The following F11 variants were observed in gnomAD, a reference collection of about 807,000 sequenced individuals.
The protein encoded by F11 is coagulation factor XI, also known as coagualtion factor XI.
Under a neutral mutation model 76.5 loss-of-function variants are expected in F11, and 78 were observed. The ratio of observed to expected loss-of-function variants is 1.02; its 90% CI spans 0.85 to 1.23. The LOEUF is 1.23. F11 is among the 50% of genes most tolerant of loss of function. The pLI, the probability that F11 is intolerant of heterozygous loss-of-function variation, is 0.00. For synonymous variants in F11, 278 were observed against 276.3 expected, an observed-to-expected ratio of 1.01 and a Z score of -0.06; for missense variants, 742 against 771.4, an observed-to-expected ratio of 0.96 and a Z score of 0.45.
chr4:186,281,890 T>C, intron 10 of F11: 1 of 1,232,744 alleles, frequency 8.1e-7, no homozygotes, highest in Non-Finnish European at 1.1e-6. Context: ...GACGTTATAT[T>C]GCCTCCAACA....
intron 3 of F11, among the ~76,000 whole-genome samples, chr4:186,272,176 C>A (rs1054783277): frequency 3.3e-5 from 5 of 152,016 alleles, no homozygotes; most frequent in Non-Finnish European, 5.9e-5. Context: ...AAGTACAGTA[C>A]AGTGATCCCC....
At chr4:186,288,246 T>C (rs1353243626) in intron 14 of F11, among the ~76,000 whole-genome samples, 1 of 152,250 alleles carries the variant, frequency 6.6e-6, no homozygotes, top group South Asian at 2.1e-4. Context: ...CTTCTGCCAA[T>C]GAGCAGGGAA....
chr4:186,276,203 T>A (rs1311934349), intron 6 of F11, 28 bp from the exon 7 acceptor site: 1 of 1,613,840 alleles, frequency 6.2e-7, no homozygotes, highest in African/African-American at 1.3e-5. Flanking sequence ...GTGAATTGAG[T>A]CCCTGACATA....
At chr4:186,283,994 T>C in intron 10 of F11, 98 bp from the exon 11 acceptor site, 1 of 1,587,664 alleles carries the variant, frequency 6.3e-7, no homozygotes. Flanking sequence ...GATAAACTAT[T>C]GACTTGAGGA....
At chr4:186,288,415 T>G in intron 14 of F11, 38 bp from the exon 15 acceptor site, 21 of 1,613,676 alleles carry the variant, frequency 1.3e-5, no homozygotes, top group Non-Finnish European at 1.8e-5. Context: ...AGCGTCTGAG[T>G]TGATCTGTGC....
intron 10 of F11, 60 bp downstream of exon 10, chr4:186,280,640 C>G: frequency 7.5e-7 from 1 of 1,341,260 alleles, no homozygotes; most frequent in Non-Finnish European, 1.1e-6. Flanking sequence ...CTTCATACAT[C>G]ACAATCAAGA....
intron 7 of F11, among the ~76,000 whole-genome samples, chr4:186,277,923 C>G (rs1467516236): frequency 6.6e-6 from 1 of 152,134 alleles, no homozygotes; most frequent in African/African-American, 2.4e-5. Context: ...TCTCATCCTC[C>G]CAAGTTGCTG....
At chr4:186,283,096 G>T in intron 10 of F11, 1 of 950,074 alleles carries the variant, frequency 1.1e-6, no homozygotes, top group Non-Finnish European at 1.3e-6. Context: ...CATCACCTGG[G>T]AGCTTGTTAG....
At position 186,289,022 on chromosome 4, in the gene F11, A is replaced by AT; in HGVS notation, c.*408_*409insT. 4.6e-6 allele frequency: 1 copy of AT among 219,132 alleles called. No individual in the cohort carries two copies. Among genetic ancestry groups the AT allele is most frequent in the South Asian group, 7.2e-5 (1 of 13,932 alleles). 13.6% of individuals were successfully genotyped at this position (219,132 alleles called of 1,614,324 possible). A position where few individuals can be genotyped will look rare whatever the true frequency, so the allele number is the denominator to read the frequency against. ...TGAAAACTGGAAGAAAGGAGAACAA[A>AT]GACAGTCTTCACCATTTTGCAGGAA... On this transcript the variant is annotated 3_prime_UTR_variant, in exon 15 of 15. Transcript: ENST00000403665.
downstream of F11, among the ~76,000 whole-genome samples, chr4:186,289,826 G>A (rs1741462315): frequency 6.6e-6 from 1 of 152,008 alleles, no homozygotes; most frequent in Non-Finnish European, 1.5e-5. Context: ...GAGATTACAG[G>A]CACATGCCAC....
At position 186,271,679 on chromosome 4, in the gene F11, C is replaced by G; in HGVS notation, c.126C>G (p.Ser42Arg). The change falls in exon 3 of 15, where the codon AGC (serine) becomes AGG (arginine). Residue 42 changes from serine (S) to arginine (R), a missense_variant. Ser to Arg is a moderately radical substitution (Grantham distance 110, BLOSUM62 -1). Transcript: ENST00000403665. ...ACATTACTACGGTCTTCACACCAAG[C>G]GCCAAGTACTGCCAGGTAGTCTGCA... is the stretch of plus-strand genomic sequence containing the variant. ...GGDITTVFTP[S>R]AKYCQVVCTY... 1.9e-6 allele frequency: 3 copies of G among 1,614,146 alleles called. No homozygotes were observed. Among genetic ancestry groups the G allele is most frequent in the Non-Finnish European group, 2.5e-6 (3 of 1,180,012 alleles).
At chr4:186,275,662 C>A in intron 5 of F11, 125 bp from the exon 6 acceptor site, 1 of 714,658 alleles carries the variant, frequency 1.4e-6, no homozygotes, top group Non-Finnish European at 2.5e-6. Context: ...AGCCATTCAG[C>A]CTCCCAGATG....
chr4:186,270,535 C>T lies in F11; in HGVS notation c.56-1074C>T, dbSNP rs559992434. Among the ~76,000 whole-genome samples the T allele has an allele frequency of 3.3e-5, 5 of 152,078 alleles. No homozygotes were observed. In the South Asian group the frequency reaches 6.2e-4, roughly 19 times the overall value. Reference sequence around the variant, plus strand: ...CAGCCTCCAACAGGTAATTTTTCAACGCTCACCCCACTCCCATCCTCCCAT... The same window carrying T: ...CAGCCTCCAACAGGTAATTTTTCAATGCTCACCCCACTCCCATCCTCCCAT... On this transcript the variant is annotated intron_variant, in intron 2 of 14. Transcript: ENST00000403665.
intron 5 of F11, chr4:186,275,256 C>T (rs759319991): frequency 4.3e-5 from 19 of 446,896 alleles, no homozygotes; most frequent in Admixed American, 9.6e-5. Flanking sequence ...TTTGGGAGGC[C>T]GAGGCGGGCA....
intron 2 of F11, among the ~76,000 whole-genome samples, chr4:186,267,887 AG>A (rs1477187309): frequency 2.0e-5 from 3 of 152,258 alleles, no homozygotes; most frequent in Non-Finnish European, 4.4e-5. Context: ...AGATATTAAA[AG>A]TAAATTCCAC....
chr4:186,271,548 A>G, intron 2 of F11, 61 bp from the exon 3 acceptor site: 1 of 1,586,426 alleles, frequency 6.3e-7, no homozygotes, highest in Non-Finnish European at 8.7e-7. Flanking sequence ...TGAGATTACC[A>G]CCTAACTAGA....
chr4:186,275,430 G>A (rs559565734), intron 5 of F11, among the ~76,000 whole-genome samples: 3 of 152,196 alleles, frequency 2.0e-5, no homozygotes, highest in Non-Finnish European at 4.4e-5. Context: ...AGGAGGCGGA[G>A]GTTGCAGTGA....
intron 7 of F11, 143 bp downstream of exon 7, chr4:186,276,533 C>G (rs1740395433): frequency 2.4e-6 from 2 of 833,600 alleles, no homozygotes; most frequent in Admixed American, 4.3e-5. Flanking sequence ...AGCCCCTCTC[C>G]CTTTCTATTC....
chr4:186,272,218 A>AT (rs1233619028), intron 3 of F11, among the ~76,000 whole-genome samples: 4 of 152,192 alleles, frequency 2.6e-5, no homozygotes, highest in African/African-American at 4.8e-5. Flanking sequence ...TGTTTGCTAT[A>AT]TTTGTACAGC....
Sources: allele counts gnomAD v4.1 joint callset (sites outside exome capture counted in the v4.1 genomes callset), GRCh38; gene constraint gnomAD v4.1.1; transcripts MANE v1.5; gene names NCBI Gene and HGNC (gene_info 2026-07-23, HGNC 2026-07-21).